Variants in LRP1B observed in about 807,000 individuals in gnomAD.
LRP1B encodes the protein LDL receptor related protein 1B.
A neutral mutation model predicts 556.6 loss-of-function variants in LRP1B; 217 were observed. That is an observed-to-expected ratio of 0.39 (90% CI 0.35 to 0.44). The LOEUF is 0.44. LRP1B is among the 20% of genes least tolerant of loss of function. LRP1B has a pLI of 1.00. For missense variants in LRP1B, 5,053 were observed against 5,620.8 expected, an observed-to-expected ratio of 0.90 and a Z score of 3.23; for synonymous variants, 2,047 against 1,865.8, an observed-to-expected ratio of 1.10 and a Z score of -2.50.
chr2:141,186,114 T>C (rs1030624254), intron 7 of LRP1B, among the ~76,000 whole-genome samples: 30 of 145,976 alleles, frequency 2.1e-4, no homozygotes, highest in African/African-American at 6.5e-4. Context: ...TATGCTTAAG[T>C]AACAGGTACT....
intron 7 of LRP1B, among the ~76,000 whole-genome samples, chr2:141,067,442 C>A (rs939212083): frequency 1.3e-5 from 2 of 151,912 alleles, no homozygotes; most frequent in African/African-American, 4.8e-5. Flanking sequence ...CTCTCTTGTA[C>A]TTGGTTTTCA....
At chr2:141,115,156 G>GGA (rs1700856406) in intron 7 of LRP1B, among the ~76,000 whole-genome samples, 1 of 148,994 alleles carries the variant, frequency 6.7e-6, no homozygotes. Context: ...TTTTCTGAAA[G>GGA]AAAAAAAAAA....
At chr2:141,209,663 T>C (rs1215168210) in intron 6 of LRP1B, among the ~76,000 whole-genome samples, 1 of 152,188 alleles carries the variant, frequency 6.6e-6, no homozygotes, top group East Asian at 1.9e-4. Flanking sequence ...TCCAAGAATG[T>C]CTTTCAGAAA....
At chr2:141,543,208 A>G (rs1183677659) in intron 2 of LRP1B, among the ~76,000 whole-genome samples, 1 of 152,048 alleles carries the variant, frequency 6.6e-6, no homozygotes, top group Non-Finnish European at 1.5e-5. Flanking sequence ...ACCCTCTTGA[A>G]CATTTAAATA....
chr2:140,602,794 T>A (rs1267287318), intron 41 of LRP1B, among the ~76,000 whole-genome samples: 6 of 151,938 alleles, frequency 3.9e-5, no homozygotes, highest in Non-Finnish European at 8.8e-5. Context: ...ATAATGCAAT[T>A]AATGGCTATC....
chr2:141,744,308 T>C (rs1693833801), intron 2 of LRP1B, among the ~76,000 whole-genome samples: 1 of 152,170 alleles, frequency 6.6e-6, no homozygotes, highest in Non-Finnish European at 1.5e-5. Context: ...ATTCCTATTA[T>C]TCCTCTAGTT....
chr2:140,323,116 T>A (rs564269209), intron 81 of LRP1B, among the ~76,000 whole-genome samples: 2 of 152,116 alleles, frequency 1.3e-5, no homozygotes, highest in South Asian at 4.1e-4. Flanking sequence ...CAAGATAAAA[T>A]CCATTTCATT....
intron 23 of LRP1B, among the ~76,000 whole-genome samples, chr2:140,894,977 T>C (rs902220407): frequency 4.0e-5 from 6 of 150,834 alleles, no homozygotes; most frequent in African/African-American, 1.5e-4. Flanking sequence ...GTTGGAGATG[T>C]AAATGCCACA....
intron 1 of LRP1B, among the ~76,000 whole-genome samples, chr2:141,945,727 C>G (rs1467398950): frequency 6.6e-6 from 1 of 151,972 alleles, no homozygotes; most frequent in African/African-American, 2.4e-5. Flanking sequence ...TCCCTGCCTC[C>G]CCCATTCCAA....
At chr2:141,407,569 C>T (rs943798698) in intron 3 of LRP1B, among the ~76,000 whole-genome samples, 11 of 152,058 alleles carry the variant, frequency 7.2e-5, no homozygotes, top group Admixed American at 2.0e-4. Flanking sequence ...TCTCTCTGAG[C>T]TCACATGAGA....
intron 1 of LRP1B, among the ~76,000 whole-genome samples, chr2:141,839,203 G>A (rs191122325): frequency 6.4e-4 from 97 of 152,208 alleles, no homozygotes; most frequent in Non-Finnish European, 1.3e-3. Context: ...TGAACCATTT[G>A]ATTACATGGG....
chr2:141,104,725 A>C (rs975183298), intron 7 of LRP1B, among the ~76,000 whole-genome samples: 2 of 152,088 alleles, frequency 1.3e-5, no homozygotes, highest in African/African-American at 4.8e-5. Flanking sequence ...CCAAAACAAT[A>C]ATCAGCTGAA....
At chr2:141,729,037 C>A (rs1192051464) in intron 2 of LRP1B, among the ~76,000 whole-genome samples, 1 of 152,124 alleles carries the variant, frequency 6.6e-6, no homozygotes, top group Non-Finnish European at 1.5e-5. Context: ...GTTGGAGTCT[C>A]CATGTGTTCA....
intron 1 of LRP1B, among the ~76,000 whole-genome samples, chr2:141,919,561 T>C (rs1700124398): frequency 6.6e-6 from 1 of 152,082 alleles, no homozygotes; most frequent in South Asian, 2.1e-4. Flanking sequence ...TCAATATGCA[T>C]TTATTTTATA....
chr2:141,672,054 A>G (rs1690692929), intron 2 of LRP1B, among the ~76,000 whole-genome samples: 1 of 152,108 alleles, frequency 6.6e-6, no homozygotes, highest in Non-Finnish European at 1.5e-5. Flanking sequence ...ATTAAGTGCT[A>G]AAAAAGAAAA....
At chr2:141,814,723 A>T (rs1381467628) in intron 1 of LRP1B, among the ~76,000 whole-genome samples, 1 of 152,228 alleles carries the variant, frequency 6.6e-6, no homozygotes, top group Non-Finnish European at 1.5e-5. Context: ...GAAATATCTA[A>T]TAGTGAAATA....
chr2:141,641,623 G>T lies in LRP1B; in HGVS notation c.206-161090C>A, dbSNP rs185002448. Among the ~76,000 whole-genome samples, 12 of 152,188 alleles carry T rather than the reference G, an allele frequency of 7.9e-5. No homozygotes were observed. The East Asian group carries it at 2.3e-3, about 29-fold the overall frequency. ...TAGCAGTTAACTGTCTTCCAGTGAA[G>T]CTGCCCCATAAAATGGCATTATGAA... On this transcript the variant is annotated intron_variant, in intron 2 of 90. Coordinates refer to ENST00000389484, the MANE Select transcript of LRP1B (RefSeq NM_018557.3).
intron 2 of LRP1B, among the ~76,000 whole-genome samples, chr2:141,670,443 G>T (rs1690623570): frequency 6.6e-6 from 1 of 152,178 alleles, no homozygotes; most frequent in African/African-American, 2.4e-5. Flanking sequence ...ATTGAAGGAA[G>T]AATTTTATAA....
chr2:141,550,326 G>A (rs1685704041), intron 2 of LRP1B, among the ~76,000 whole-genome samples: 1 of 152,138 alleles, frequency 6.6e-6, no homozygotes, highest in African/African-American at 2.4e-5. Flanking sequence ...CTATTTGGAA[G>A]TGAACTTTTC....
Sources: allele counts gnomAD v4.1 joint callset (sites outside exome capture counted in the v4.1 genomes callset), GRCh38; gene constraint gnomAD v4.1.1; transcripts MANE v1.5; gene names NCBI Gene and HGNC (gene_info 2026-07-23, HGNC 2026-07-21).